Variants in SLC27A6 observed in about 807,000 individuals in gnomAD.
SLC27A6 encodes the protein long-chain fatty acid transport protein 6.
SLC27A6 carries 74 observed loss-of-function variants against 63.9 expected under a neutral mutation model. The ratio of observed to expected loss-of-function variants is 1.16; its 90% CI spans 0.96 to 1.40. The LOEUF is 1.40. Among genes scored for constraint, SLC27A6 ranks in the 40% most tolerant of loss-of-function variants. The probability of loss-of-function intolerance (pLI) is 0.00; values close to 1 mark genes in which losing one functional copy is unlikely to be tolerated. For synonymous variants in SLC27A6, 287 were observed against 260.8 expected (o/e 1.10, Z -0.97); for missense variants, 794 against 732.9 (o/e 1.08, Z -0.96).
At chr5:128,985,359 G>A in intron 2 of SLC27A6, 23 bp downstream of exon 2, 3 of 1,602,260 alleles carry the variant, frequency 1.9e-6, no homozygotes, top group African/African-American at 1.3e-5. Flanking sequence ...TCTTTTGAAG[G>A]CTAAAATGAA....
intron 9 of SLC27A6, among the ~76,000 whole-genome samples, chr5:129,032,866 A>G (rs1259698760): frequency 6.6e-6 from 1 of 151,982 alleles, no homozygotes; most frequent in Non-Finnish European, 1.5e-5. Context: ...TCAGTTTATT[A>G]TGTTCATAAT....
intron 4 of SLC27A6, among the ~76,000 whole-genome samples, chr5:129,002,228 T>G (rs900795089): frequency 1.3e-5 from 2 of 152,252 alleles, no homozygotes; most frequent in Non-Finnish European, 2.9e-5. Context: ...TGAATGTGGC[T>G]TACTCAATGT....
At chr5:128,982,839 T>G (rs1750640303) in intron 1 of SLC27A6, among the ~76,000 whole-genome samples, 1 of 152,210 alleles carries the variant, frequency 6.6e-6, no homozygotes, top group African/African-American at 2.4e-5. Flanking sequence ...TACTTAGATT[T>G]GTTATAGAAA....
chr5:129,020,796 T>C (rs1236023104), intron 5 of SLC27A6, among the ~76,000 whole-genome samples: 1 of 152,026 alleles, frequency 6.6e-6, no homozygotes, highest in Admixed American at 6.6e-5. Flanking sequence ...GATAATTTGC[T>C]AAAAGGACTC....
At chr5:128,978,825 T>A (rs1236801812) in intron 1 of SLC27A6, among the ~76,000 whole-genome samples, 2 of 152,170 alleles carry the variant, frequency 1.3e-5, no homozygotes, top group Admixed American at 1.3e-4. Context: ...GCATACATGA[T>A]GATGGTCCCA....
At chr5:129,023,916 T>C (rs955347000) in intron 6 of SLC27A6, among the ~76,000 whole-genome samples, 2 of 152,146 alleles carry the variant, frequency 1.3e-5, no homozygotes, top group Non-Finnish European at 2.9e-5. Flanking sequence ...TTGCTTATAA[T>C]ACATAATACA....
In SLC27A6 at chr5:128,966,444, A is replaced by G; in HGVS notation, c.307A>G (p.Lys103Glu). ...TGTCTTCCTGAACCATTCCTCTCTGAAAAAGGGGGACACGGTGGCTCTGCT... is the reference window on the plus strand; with the variant it reads ...TGTCTTCCTGAACCATTCCTCTCTGGAAAAGGGGGACACGGTGGCTCTGCT... The part of the protein sequence containing the change: ...AHVFLNHSSL[K>E]KGDTVALLMS... The change falls in exon 1 of 10, where the codon AAA becomes GAA. Residue 103 changes from lysine to glutamate, a missense_variant. By Grantham distance (56) the Lys-to-Glu change is moderately conservative. Transcript: ENST00000262462. 6.2e-7 allele frequency: 1 copy of G among 1,605,606 alleles called. No individual in the cohort carries two copies. The highest frequency in any genetic ancestry group is 8.5e-7 in the Non-Finnish European group (1 of 1,176,292).
chr5:129,008,415 T>G (rs1373508869), intron 4 of SLC27A6, among the ~76,000 whole-genome samples: 2 of 152,362 alleles, frequency 1.3e-5, no homozygotes, highest in East Asian at 3.9e-4. Context: ...CCTGTGGAAT[T>G]TGGTTTATAA....
Position 129,015,830 on chromosome 5 carries a change from A to G in SLC27A6, c.970-55A>G, listed in dbSNP as rs1751871792. The G allele has an allele frequency of 2.1e-5, 26 of 1,231,212 alleles. No homozygotes were observed. In the South Asian group the frequency reaches 3.4e-4, roughly 16 times the overall value. 76.3% of individuals were successfully genotyped at this position (1,231,212 alleles called of 1,614,324 possible). On this transcript the variant is annotated intron_variant, in intron 4 of 9. Transcript: ENST00000262462. ...TGATATTTTTCATTTAAATAATAAT[A>G]AAGAAAGAATTAGAAACTGGAACTA...
intron 4 of SLC27A6, among the ~76,000 whole-genome samples, chr5:129,014,273 C>T (rs1057081175): frequency 5.9e-5 from 9 of 152,126 alleles, no homozygotes; most frequent in Non-Finnish European, 1.0e-4. Context: ...CATAGACCAG[C>T]GTAGCCTCTA....
chr5:129,015,838 A>T, intron 4 of SLC27A6, 47 bp from the exon 5 acceptor site: 1 of 1,289,162 alleles, frequency 7.8e-7, no homozygotes, highest in Non-Finnish European at 1.1e-6. Flanking sequence ...ATAAAGAAAG[A>T]ATTAGAAACT....
intron 5 of SLC27A6, among the ~76,000 whole-genome samples, chr5:129,020,655 T>A (rs1448644829): frequency 6.6e-6 from 1 of 152,146 alleles, no homozygotes; most frequent in Non-Finnish European, 1.5e-5. Context: ...TAAGCTGTTT[T>A]ATTGCCTTAA....
chr5:128,992,845 A>G (rs1320179168), intron 4 of SLC27A6, among the ~76,000 whole-genome samples: 1 of 152,218 alleles, frequency 6.6e-6, no homozygotes, highest in Non-Finnish European at 1.5e-5. Flanking sequence ...GGTGCTACCT[A>G]GTGAAGCTCA....
At chr5:128,993,909 G>A (rs1001351814) in intron 4 of SLC27A6, among the ~76,000 whole-genome samples, 10 of 152,110 alleles carry the variant, frequency 6.6e-5, no homozygotes, top group Admixed American at 2.0e-4. Flanking sequence ...GGAGTTTGAG[G>A]TCAGCCTGAT....
rs1377235828 is a variant in SLC27A6, at chr5:129,033,483, C to G, written c.*201C>G. 1 of 287,532 alleles carries G rather than the reference C, an allele frequency of 3.5e-6. No individual in the cohort carries two copies. Among genetic ancestry groups the G allele is most frequent in the South Asian group, 9.5e-5 (1 of 10,554 alleles). The allele number at this position is 287,532 out of a possible 1,614,324, so 17.8% of individuals were successfully genotyped here. On this transcript the variant is annotated 3_prime_UTR_variant, in exon 10 of 10. Coordinates refer to ENST00000262462, the MANE Select transcript of SLC27A6 (RefSeq NM_001017372.3). ...AACAGTAGTTGATTATTCTTTTTATCTATTTGGAGATTCAGTGCATAACTA... is the reference window on the plus strand; with the variant it reads ...AACAGTAGTTGATTATTCTTTTTATGTATTTGGAGATTCAGTGCATAACTA...
At chr5:128,968,746 G>T (rs1406979816) in intron 1 of SLC27A6, among the ~76,000 whole-genome samples, 2 of 151,930 alleles carry the variant, frequency 1.3e-5, no homozygotes, top group African/African-American at 4.8e-5. Context: ...TTCTTTTGCT[G>T]TACAGAAGCT....
At chr5:129,018,817 A>T (rs1751987220) in intron 5 of SLC27A6, among the ~76,000 whole-genome samples, 1 of 151,884 alleles carries the variant, frequency 6.6e-6, no homozygotes, top group African/African-American at 2.4e-5. Context: ...TATTTGGAAA[A>T]CCTCTGATTT....
rs1752278598 is a variant in SLC27A6, at chr5:129,027,319, G to A, written c.1442G>A (p.Gly481Glu). ...DNFLYFWDRT[G>E]DTFRWKGENV... is the part of the protein sequence containing the mutation. ...TTCCTTTATTTTTGGGACCGTACTG[G>A]AGACACTTTCAGGTATGAAATGTTA... The change falls in exon 7 of 10, where the codon GGA becomes GAA. Residue 481 changes from glycine (G) to glutamate (E), a missense_variant. Gly to Glu is a moderately conservative substitution (Grantham distance 98). Coordinates refer to ENST00000262462, the MANE Select transcript of SLC27A6 (RefSeq NM_001017372.3). 1.9e-6 allele frequency: 3 copies of A among 1,610,648 alleles called. No individual in the cohort carries two copies. The highest frequency in any genetic ancestry group is 2.5e-6 in the Non-Finnish European group (3 of 1,177,570).
At chr5:128,995,178 T>C (rs1386574181) in intron 4 of SLC27A6, among the ~76,000 whole-genome samples, 2 of 152,236 alleles carry the variant, frequency 1.3e-5, no homozygotes, top group African/African-American at 2.4e-5. Flanking sequence ...GAGGAATATG[T>C]TGGAACTCTA....
Sources: allele counts gnomAD v4.1 joint callset (sites outside exome capture counted in the v4.1 genomes callset), GRCh38; gene constraint gnomAD v4.1.1; transcripts MANE v1.5; gene names NCBI Gene and HGNC (gene_info 2026-07-23, HGNC 2026-07-21).